MCUR1: variants seen among roughly 807,000 people sequenced by gnomAD.
MCUR1 encodes the protein MCU regulator 1.
Under a neutral mutation model 42.0 loss-of-function variants are expected in MCUR1, and 37 were observed. The ratio of observed to expected loss-of-function variants is 0.88; its 90% confidence interval spans 0.68 to 1.16. The LOEUF is 1.16. MCUR1 is among the 50% of genes most tolerant of loss of function. The probability of loss-of-function intolerance (pLI) is 0.00; values close to 1 mark genes in which losing one functional copy is unlikely to be tolerated. For synonymous variants in MCUR1, 229 were observed against 196.2 expected (o/e 1.17, Z -1.40); for missense variants, 469 against 468.4 (o/e 1.00, Z -0.01).
At chr6:13,794,602 G>A (rs1385392008) in intron 6 of MCUR1, among the ~76,000 whole-genome samples, 1 of 150,014 alleles carries the variant, frequency 6.7e-6, no homozygotes, top group Non-Finnish European at 1.5e-5. Flanking sequence ...AAAATACAAT[G>A]TAAATACATA....
At chr6:13,809,926 C>T (rs1365540867) in intron 1 of MCUR1, among the ~76,000 whole-genome samples, 2 of 151,264 alleles carry the variant, frequency 1.3e-5, no homozygotes, top group South Asian at 2.1e-4. Flanking sequence ...ATTTAAAGGC[C>T]GGGCGTGGTG....
Position 13,802,335 on chromosome 6 carries a change from G to C in MCUR1, c.547C>G (p.Gln183Glu), listed in dbSNP as rs1392499745. ...CLLEDNGFATQQAEIIVSALV... is the reference protein window; with the variant it reads ...CLLEDNGFATEQAEIIVSALV... ...GCAGACACAATGATTTCTGCTTGTT[G>C]AGTAGCAAACCCTAAGCAAGCACAC... Residue 183 changes from glutamine (Q) to glutamate (E), a missense_variant, in exon 3 of 9, where the codon CAA (glutamine) becomes GAA (glutamate). Transcript: ENST00000379170. 1.9e-6 allele frequency: 3 copies of C among 1,613,338 alleles called. No individual in the cohort carries two copies. Among genetic ancestry groups the C allele is most frequent in the Admixed American group, 1.7e-5 (1 of 59,988 alleles).
chr6:13,808,752 C>A (rs946781810), intron 1 of MCUR1, among the ~76,000 whole-genome samples: 6 of 152,106 alleles, frequency 3.9e-5, no homozygotes, highest in Non-Finnish European at 8.8e-5. Context: ...TGTCCCAGCA[C>A]CATTCCCTCC....
Position 13,791,936 on chromosome 6 carries a change from A to G in MCUR1, c.966T>C (p.Val322=). 6.2e-7 allele frequency: 1 copy of G among 1,614,142 alleles called. No individual in the cohort carries two copies. The highest frequency in any genetic ancestry group is 8.5e-7 in the Non-Finnish European group (1 of 1,180,016). The change falls in exon 8 of 9, where the codon GTT becomes GTC. Residue 322 remains valine (V), a synonymous_variant. Coordinates refer to ENST00000379170, the MANE Select transcript of MCUR1 (RefSeq NM_001031713.4). ...TQTDRKIETE[V]AGLKTMLESH... ...ACTCAAGCATGGTTTTGAGGCCAGC[A>G]ACCTCAGTTTCGATCTTCCTGTCTG...
intron 6 of MCUR1, among the ~76,000 whole-genome samples, chr6:13,797,633 G>A (rs141939841): frequency 2.4e-3 from 364 of 151,158 alleles, no homozygotes; most frequent in African/African-American, 8.5e-3. Context: ...ACGTGAACCC[G>A]GGAGGCGAAG....
At chr6:13,792,095 G>C (rs1759742110) in intron 7 of MCUR1, 103 bp from the exon 8 acceptor site, 3 of 813,646 alleles carry the variant, frequency 3.7e-6, no homozygotes, top group Admixed American at 4.7e-5. Context: ...GGAAACCTGG[G>C]TAAGACTATG....
At chr6:13,793,066 C>CA (rs1445911897) in intron 7 of MCUR1, among the ~76,000 whole-genome samples, 3 of 136,690 alleles carry the variant, frequency 2.2e-5, no homozygotes, top group Non-Finnish European at 4.5e-5. Context: ...AAGGAGGGTG[C>CA]AGTGAGCTGA....
chr6:13,808,079 G>A (rs1022734739), intron 1 of MCUR1, among the ~76,000 whole-genome samples: 26 of 152,180 alleles, frequency 1.7e-4, no homozygotes, highest in African/African-American at 6.3e-4. Flanking sequence ...TTCATGAATG[G>A]ATTAATGCTG....
chr6:13,793,789 C>T, intron 7 of MCUR1, 105 bp downstream of exon 7: 1 of 966,454 alleles, frequency 1.0e-6, no homozygotes. Flanking sequence ...ATTCCCATGA[C>T]AGTAAACCTG....
Position 13,790,794 on chromosome 6 carries a change from T to G in MCUR1, c.*15A>C, listed in dbSNP as rs762946156. 19 of 1,605,156 alleles carry G rather than the reference T, an allele frequency of 1.2e-5. No homozygotes were observed. The highest frequency in any genetic ancestry group is 2.2e-5 in the South Asian group (2 of 90,700). ...TAAGGCAAAACAGTAGAAATCACTT[T>G]AAATAGACACTTTATTAGATCCACA... On this transcript the variant is annotated 3_prime_UTR_variant, in exon 9 of 9. Coordinates refer to ENST00000379170, the MANE Select transcript of MCUR1 (RefSeq NM_001031713.4).
In MCUR1 at chr6:13,787,112, C is replaced by T. The variant is rs1584979630; in HGVS notation, c.*3697G>A. On this transcript the variant is annotated 3_prime_UTR_variant, in exon 9 of 9. Coordinates refer to ENST00000379170, the MANE Select transcript of MCUR1 (RefSeq NM_001031713.4). ...ATGTTAGGGTGGGGGAAGATAAATG[C>T]TTGCCAATACTGACATGGTTAATTA... 6.6e-6 allele frequency: 1 copy of T among 152,230 alleles called. No homozygotes were observed. Among genetic ancestry groups the T allele is most frequent in the East Asian group, 1.9e-4 (1 of 5,180 alleles). 9.4% of individuals were successfully genotyped at this position (152,230 alleles called of 1,614,324 possible).
intron 6 of MCUR1, among the ~76,000 whole-genome samples, chr6:13,794,874 C>T (rs1272419465): frequency 6.6e-6 from 1 of 152,090 alleles, no homozygotes; most frequent in East Asian, 1.9e-4. Context: ...TAAAGTATCT[C>T]GCCTTTTGGC....
In MCUR1 at chr6:13,791,993, C is replaced by T. The variant is rs1292756331; in HGVS notation, c.910-1G>A. The T allele has an allele frequency of 1.2e-6, 2 of 1,612,496 alleles. No homozygotes were observed. The highest frequency in any genetic ancestry group is 1.7e-6 in the Non-Finnish European group (2 of 1,178,748). ...TAAGGGCCCGATCTTGCTGGGCATGCTTTTAAAATGAAGAGAGTCACAGCG... is the reference window on the plus strand; with the variant it reads ...TAAGGGCCCGATCTTGCTGGGCATGTTTTTAAAATGAAGAGAGTCACAGCG... On this transcript the variant is annotated splice_acceptor_variant, in intron 7 of 8. Coordinates refer to ENST00000379170, the MANE Select transcript of MCUR1 (RefSeq NM_001031713.4). LOFTEE classifies it high-confidence loss of function.
chr6:13,804,907 A>T (rs1229496144), intron 2 of MCUR1, among the ~76,000 whole-genome samples: 1 of 152,042 alleles, frequency 6.6e-6, no homozygotes. Context: ...GATGACAGGC[A>T]TATGAGAAAT....
chr6:13,814,318 C>A lies in MCUR1; in HGVS notation c.112G>T (p.Ala38Ser). ...GAGAGCGCAGAGAGGCAGCGGCGTG[C>A]TGAGGTTTCGCTGCCGCCCGGTCTT... ...SGRPGGSETS[A>S]RRCLSALSDG... The change falls in exon 1 of 9, where the codon GCA (alanine) becomes TCA (serine). Residue 38 changes from alanine to serine, a missense_variant. Ala to Ser is a moderately conservative substitution (Grantham distance 99, BLOSUM62 1). Coordinates refer to ENST00000379170, the MANE Select transcript of MCUR1 (RefSeq NM_001031713.4). The A allele has an allele frequency of 6.6e-7, 1 of 1,506,574 alleles. No individual in the cohort carries two copies. The allele number at this position is 1,506,574 out of a possible 1,614,324, so 93.3% of individuals were successfully genotyped here. A position where few individuals can be genotyped will look rare whatever the true frequency, so the allele number is the denominator to read the frequency against.
In MCUR1 at chr6:13,798,859, G is replaced by C; in HGVS notation, c.829C>G (p.Leu277Val). The change falls in exon 6 of 9, where the codon CTA becomes GTA. Residue 277 changes from leucine (L) to valine (V), a missense_variant. Coordinates refer to ENST00000379170, the MANE Select transcript of MCUR1 (RefSeq NM_001031713.4). ...AATTCTTTTACTCTGCTCTTTTCTA[G>C]GTTGAAGTCTAATTTGGTATCTGTT... ...VRTDTKLDFN[L>V]EKSRVKELYS... 2 of 1,611,258 alleles carry C rather than the reference G, an allele frequency of 1.2e-6. No homozygotes were observed. The highest frequency in any genetic ancestry group is 1.7e-6 in the Non-Finnish European group (2 of 1,177,824).
At chr6:13,807,851 G>A (rs1189215680) in intron 1 of MCUR1, among the ~76,000 whole-genome samples, 1 of 152,118 alleles carries the variant, frequency 6.6e-6, no homozygotes, top group Non-Finnish European at 1.5e-5. Context: ...ATCTCACTGT[G>A]GTTTTAATCA....
rs1327580127 is a variant in MCUR1 at position 13,796,281 on chromosome 6, TTTTTC to T, written c.856-2339_856-2335del. On this transcript the variant is annotated intron_variant, in intron 6 of 8. Transcript: ENST00000379170. ...TTGCAAGAATGAAATTTCATCATTT[TTTTTC>T]TTTTCTTTTTTTTTTTTTTGAGACA... 3.4e-5 allele frequency among the ~76,000 whole-genome samples: 5 copies of T among 148,728 alleles called. No homozygotes were observed. In the East Asian group the frequency reaches 7.7e-4, roughly 23 times the overall value.
chr6:13,814,548 G>A lies in MCUR1; in HGVS notation c.-119C>T, dbSNP rs1760335035. The A allele has an allele frequency of 5.6e-6, 6 of 1,073,536 alleles. No homozygotes were observed. Among genetic ancestry groups the A allele is most frequent in the Admixed American group, 4.6e-5 (1 of 21,724 alleles). The allele number at this position is 1,073,536 out of a possible 1,614,324, so 66.5% of individuals were successfully genotyped here. A position where few individuals can be genotyped will look rare whatever the true frequency, so the allele number is the denominator to read the frequency against. On this transcript the variant is annotated 5_prime_UTR_variant, in exon 1 of 9. Coordinates refer to ENST00000379170, the MANE Select transcript of MCUR1 (RefSeq NM_001031713.4). ...CGAGCGTGGGCCACAGCGCAGGACCGCCCTTTCCTGCCGGGCGCGCGGGCG... is the reference window on the plus strand; with the variant it reads ...CGAGCGTGGGCCACAGCGCAGGACCACCCTTTCCTGCCGGGCGCGCGGGCG...
Sources: gnomAD v4.1 joint callset for allele counts (sites outside exome capture counted in the v4.1 genomes callset) on GRCh38, gnomAD v4.1.1 for gene constraint, MANE v1.5 for transcripts, NCBI Gene and HGNC (gene_info 2026-07-23, HGNC 2026-07-21) for gene names.